Variants in FAT3 observed in about 807,000 individuals in gnomAD.
The protein encoded by FAT3 is protocadherin Fat 3.
FAT3 carries 95 observed loss-of-function variants against 310.2 expected under a neutral mutation model. The ratio of observed to expected loss-of-function variants is 0.31; its 90% CI spans 0.26 to 0.36. The LOEUF is 0.36. Ranked by LOEUF, FAT3 falls within the 10% of genes least tolerant of loss-of-function variation. FAT3 has a pLI of 1.00. For missense variants in FAT3, 5,408 were observed against 5,715.6 expected (o/e 0.95, Z 1.74); for synonymous variants, 2,314 against 2,192.9 (o/e 1.06, Z -1.54).
At chr11:92,734,796 C>T (rs1289596504) in intron 4 of FAT3, among the ~76,000 whole-genome samples, 1 of 152,064 alleles carries the variant, frequency 6.6e-6, no homozygotes, top group Non-Finnish European at 1.5e-5. Context: ...GTTGGGAGAG[C>T]ATACTGAAAA....
At chr11:92,272,910 G>A (rs1203896279) in intron 1 of FAT3, among the ~76,000 whole-genome samples, 1 of 152,100 alleles carries the variant, frequency 6.6e-6, no homozygotes, top group Non-Finnish European at 1.5e-5. Context: ...CTCTGGCCAG[G>A]AGCCTTGCCC....
Position 92,722,462 on chromosome 11 carries a change from A to G in FAT3, c.3669+25017A>G, listed in dbSNP as rs148039220. On this transcript the variant is annotated intron_variant, in intron 4 of 27. Coordinates refer to ENST00000525166, the MANE Select transcript of FAT3 (RefSeq NM_001367949.2). Reference sequence around the variant, plus strand: ...CTCCAAGCTGCTTTTATGGGCTGGCATTGAGTATCTGCAGCTTTTCCAGAC... The same window carrying G: ...CTCCAAGCTGCTTTTATGGGCTGGCGTTGAGTATCTGCAGCTTTTCCAGAC... Among the ~76,000 whole-genome samples, 462 of 152,256 alleles carry G rather than the reference A, an allele frequency of 3.0e-3. 8 individuals are homozygous for G. The highest frequency in any genetic ancestry group is 2.9e-4 in the Non-Finnish European group (20 of 68,022).
chr11:92,721,682 C>T (rs566871971), intron 4 of FAT3, among the ~76,000 whole-genome samples: 1 of 152,214 alleles, frequency 6.6e-6, no homozygotes, highest in East Asian at 1.9e-4. Flanking sequence ...GTATTAAGTC[C>T]ATTTTCATGC....
intron 1 of FAT3, among the ~76,000 whole-genome samples, chr11:92,229,131 A>G (rs995458220): frequency 1.3e-5 from 2 of 152,172 alleles, no homozygotes; most frequent in African/African-American, 4.8e-5. Context: ...ATTTCTACAG[A>G]TATGCATGGT....
chr11:92,424,347 G>A (rs887910103), intron 2 of FAT3, among the ~76,000 whole-genome samples: 2 of 152,124 alleles, frequency 1.3e-5, no homozygotes, highest in African/African-American at 2.4e-5. Context: ...TTTACATAAT[G>A]TTTTTATGAA....
chr11:92,497,476 A>G (rs1035741376), intron 2 of FAT3, among the ~76,000 whole-genome samples: 2 of 151,926 alleles, frequency 1.3e-5, no homozygotes, highest in Non-Finnish European at 2.9e-5. Flanking sequence ...TTCTCTTTTA[A>G]TTTTCTTGAC....
intron 2 of FAT3, among the ~76,000 whole-genome samples, chr11:92,383,958 A>AT (rs367685161): frequency 1.9e-4 from 29 of 150,238 alleles, no homozygotes; most frequent in South Asian, 1.3e-3. Flanking sequence ...TGAACCCACA[A>AT]TTTTTTTTTT....
At chr11:92,673,518 A>G (rs1368060473) in intron 3 of FAT3, among the ~76,000 whole-genome samples, 1 of 152,292 alleles carries the variant, frequency 6.6e-6, no homozygotes, top group East Asian at 1.9e-4. Flanking sequence ...TGTATAAGCC[A>G]TCCTGGGTGA....
intron 1 of FAT3, chr11:92,336,028 C>G (rs1383904639): frequency 2.1e-6 from 1 of 486,096 alleles, no homozygotes; most frequent in African/African-American, 2.0e-5. Context: ...CACTCAGCAA[C>G]TGGTCAGTTC....
chr11:92,337,178 G>T (rs1948109825), intron 1 of FAT3, among the ~76,000 whole-genome samples: 1 of 152,180 alleles, frequency 6.6e-6, no homozygotes, highest in Non-Finnish European at 1.5e-5. Context: ...TTAGCTATTT[G>T]CTACACTGTT....
Position 92,312,953 on chromosome 11 carries a change from CTGA to C in FAT3, c.-17-39141_-17-39139del, listed in dbSNP as rs544955512. Among the ~76,000 whole-genome samples, 147 of 152,276 alleles carry C rather than the reference CTGA, an allele frequency of 9.7e-4. 1 individual carries two copies. The highest frequency in any genetic ancestry group is 3.3e-3 in the African/African-American group (136 of 41,546). ...AACAAAACAAAACTCAAACAACATG[CTGA>C]TATCTTAATATTATCTGTAATATGA... On this transcript the variant is annotated intron_variant, in intron 1 of 27. Coordinates refer to ENST00000525166, the MANE Select transcript of FAT3 (RefSeq NM_001367949.2).
rs538037903 is a variant in FAT3, at chr11:92,781,928, A to C, written c.4335+7748A>C. ...GCAGAGACAGCCATGTCCAAATTAT[A>C]ATCTAAAAGTTACATTGATTTGATT... On this transcript the variant is annotated intron_variant, in intron 7 of 27. Coordinates refer to ENST00000525166, the MANE Select transcript of FAT3 (RefSeq NM_001367949.2). Among the ~76,000 whole-genome samples the C allele has an allele frequency of 3.9e-5, 6 of 152,274 alleles. No homozygotes were observed. The South Asian group carries it at 1.2e-3, about 32-fold the overall frequency.
Position 92,774,141 on chromosome 11 carries a change from T to C in FAT3, c.4296T>C (p.Ser1432=). 6 of 1,612,958 alleles carry C rather than the reference T, an allele frequency of 3.7e-6. No homozygotes were observed. The highest frequency in any genetic ancestry group is 5.1e-6 in the Non-Finnish European group (6 of 1,179,514). The change falls in exon 7 of 28, where the codon AGT becomes AGC. Residue 1432 remains serine (S), a synonymous_variant. Transcript: ENST00000525166. ...AGCAGAGGTCCATCTATAATATGAGTGTGGAAGTCACCGATGGGACAAATG... is the reference window on the plus strand; with the variant it reads ...AGCAGAGGTCCATCTATAATATGAGCGTGGAAGTCACCGATGGGACAAATG... ...DAEQRSIYNM[S]VEVTDGTNVA... is the part of the protein sequence containing the mutation.
chr11:92,873,989 A>G (rs1438906247), intron 22 of FAT3, among the ~76,000 whole-genome samples: 2 of 152,200 alleles, frequency 1.3e-5, no homozygotes, highest in Non-Finnish European at 2.9e-5. Context: ...AAATAACTAT[A>G]ATAACAATAC....
chr11:92,346,931 C>A (rs1053307519), intron 1 of FAT3, among the ~76,000 whole-genome samples: 2 of 152,130 alleles, frequency 1.3e-5, no homozygotes, highest in African/African-American at 2.4e-5. Context: ...TCTTGTGATT[C>A]CCAGATTTTG....
intron 1 of FAT3, among the ~76,000 whole-genome samples, chr11:92,243,334 T>TCAATTGAATGTGTG (rs1377460163): frequency 6.6e-6 from 1 of 152,062 alleles, no homozygotes; most frequent in Non-Finnish European, 1.5e-5. Context: ...CACAGATGAT[T>TCAATTGAATGTGTG]CAATTGAATG....
At chr11:92,359,347 T>C (rs970732418) in intron 2 of FAT3, among the ~76,000 whole-genome samples, 2 of 152,222 alleles carry the variant, frequency 1.3e-5, no homozygotes, top group African/African-American at 4.8e-5. Flanking sequence ...TTAGTGGTGA[T>C]ATTTTTCTGA....
chr11:92,439,969 G>A lies in FAT3; in HGVS notation c.3292+84565G>A, dbSNP rs547525811. Among the ~76,000 whole-genome samples the A allele has an allele frequency of 2.6e-5, 4 of 152,072 alleles. No individual in the cohort carries two copies. In the South Asian group the frequency reaches 8.3e-4, roughly 32 times the overall value. ...AAAAAAAAACCTGCTGAAGCTGGCA[G>A]GTATCAAAGTGAAGCCTGCTATTAA... On this transcript the variant is annotated intron_variant, in intron 2 of 27. Coordinates refer to ENST00000525166, the MANE Select transcript of FAT3 (RefSeq NM_001367949.2).
chr11:92,453,291 A>G (rs561148514), intron 2 of FAT3, among the ~76,000 whole-genome samples: 6 of 152,250 alleles, frequency 3.9e-5, no homozygotes, highest in African/African-American at 1.4e-4. Context: ...GTAAAACCAA[A>G]TGAGATCAGT....
Sources: gnomAD v4.1 joint callset for allele counts (sites outside exome capture counted in the v4.1 genomes callset) on GRCh38, gnomAD v4.1.1 for gene constraint, MANE v1.5 for transcripts, NCBI Gene and HGNC (gene_info 2026-07-23, HGNC 2026-07-21) for gene names.